The following KIAA1328 variants were observed in gnomAD, a reference collection of about 807,000 sequenced individuals.
The protein encoded by KIAA1328 is protein hinderin.
A neutral mutation model predicts 68.1 loss-of-function variants in KIAA1328; 52 were observed. That is an observed-to-expected ratio of 0.76 (90% CI 0.61 to 0.96). The LOEUF (loss-of-function observed/expected upper bound fraction) is 0.96, where lower values mean the gene tolerates loss of function less well. Among genes scored for constraint, KIAA1328 ranks in the 40% least tolerant of loss-of-function variants. The pLI is 0.00. For synonymous variants in KIAA1328, 232 were observed against 239.4 expected (o/e 0.97, Z 0.28); for missense variants, 641 against 677.6 (o/e 0.95, Z 0.60).
intron 6 of KIAA1328, among the ~76,000 whole-genome samples, chr18:37,010,518 G>T (rs1223667469): frequency 6.8e-6 from 1 of 147,292 alleles, no homozygotes; most frequent in African/African-American, 2.5e-5. Context: ...CTTTAATGAG[G>T]CAATTTTCTG....
At chr18:36,978,611 T>G (rs2052563913) in intron 6 of KIAA1328, among the ~76,000 whole-genome samples, 1 of 152,214 alleles carries the variant, frequency 6.6e-6, no homozygotes, top group Non-Finnish European at 1.5e-5. Flanking sequence ...TACTGTCTTC[T>G]TTTGGTGATC....
At chr18:36,860,169 T>C (rs1445277397) in intron 4 of KIAA1328, among the ~76,000 whole-genome samples, 1 of 152,152 alleles carries the variant, frequency 6.6e-6, no homozygotes, top group Non-Finnish European at 1.5e-5. Context: ...TTTGAAAAAA[T>C]CTTGGAACTT....
At chr18:36,849,144 T>C (rs1307134956) in intron 4 of KIAA1328, among the ~76,000 whole-genome samples, 5 of 151,928 alleles carry the variant, frequency 3.3e-5, no homozygotes, top group Non-Finnish European at 7.4e-5. Context: ...ACTTCTTTCA[T>C]CTTCTGTGAA....
At chr18:37,013,041 C>G (rs891008758) in intron 6 of KIAA1328, among the ~76,000 whole-genome samples, 2 of 152,000 alleles carry the variant, frequency 1.3e-5, no homozygotes, top group Non-Finnish European at 2.9e-5. Context: ...TTAGTAACTC[C>G]CTGGGTGGCA....
chr18:36,951,304 A>G (rs1439302625), intron 5 of KIAA1328, among the ~76,000 whole-genome samples: 2 of 152,128 alleles, frequency 1.3e-5, no homozygotes, highest in African/African-American at 2.4e-5. Flanking sequence ...AGTCTTGTTC[A>G]TTATTGTATG....
intron 6 of KIAA1328, among the ~76,000 whole-genome samples, chr18:37,051,713 TC>T (rs2055700565): frequency 6.6e-6 from 1 of 152,102 alleles, no homozygotes; most frequent in Non-Finnish European, 1.5e-5. Context: ...ACCATTATCT[TC>T]CTGATACCAA....
At chr18:36,879,024 G>A (rs1007315000) in intron 4 of KIAA1328, among the ~76,000 whole-genome samples, 6 of 152,096 alleles carry the variant, frequency 3.9e-5, no homozygotes, top group South Asian at 2.1e-4. Context: ...CTGTCAATTC[G>A]TCAAACTCAT....
intron 9 of KIAA1328, among the ~76,000 whole-genome samples, chr18:37,178,517 T>C (rs1408904558): frequency 6.6e-6 from 1 of 152,220 alleles, no homozygotes; most frequent in Non-Finnish European, 1.5e-5. Flanking sequence ...TTCCATATCT[T>C]GGCTATTATG....
At chr18:36,850,443 A>G (rs1008551840) in intron 4 of KIAA1328, among the ~76,000 whole-genome samples, 1 of 152,072 alleles carries the variant, frequency 6.6e-6, no homozygotes, top group Non-Finnish European at 1.5e-5. Context: ...ATCAGGGAAT[A>G]TGTTCCAAGA....
intron 7 of KIAA1328, among the ~76,000 whole-genome samples, chr18:37,102,573 C>T (rs1273270691): frequency 1.3e-5 from 2 of 152,080 alleles, no homozygotes; most frequent in Admixed American, 6.5e-5. Flanking sequence ...ATAGAAGAAA[C>T]ATACCTCAAC....
chr18:37,197,728 G>A (rs1045871329), intron 9 of KIAA1328, among the ~76,000 whole-genome samples: 1 of 152,036 alleles, frequency 6.6e-6, no homozygotes, highest in Non-Finnish European at 1.5e-5. Flanking sequence ...ATATTTATAG[G>A]TCCCTCATAC....
chr18:36,997,415 G>C (rs1236029653), intron 6 of KIAA1328, among the ~76,000 whole-genome samples: 2 of 152,154 alleles, frequency 1.3e-5, no homozygotes, highest in African/African-American at 2.4e-5. Flanking sequence ...GAAAGGGTGA[G>C]TGAGAGAATT....
intron 6 of KIAA1328, among the ~76,000 whole-genome samples, chr18:37,006,928 C>T (rs1289103768): frequency 6.6e-6 from 1 of 152,140 alleles, no homozygotes; most frequent in Non-Finnish European, 1.5e-5. Flanking sequence ...CACAATAAAA[C>T]TCAAAAGAGC....
Position 37,019,814 on chromosome 18 carries a change from C to T in KIAA1328, c.577-47076C>T, listed in dbSNP as rs552610296. Among the ~76,000 whole-genome samples the T allele has an allele frequency of 1.6e-4, 25 of 152,238 alleles. No homozygotes were observed. In the South Asian group the frequency reaches 2.5e-3, roughly 15 times the overall value. ...CCTGGGCATGGAGTGTAGAGGGTTT[C>T]GCTATACCATGACCTATGTCCAGGA... On this transcript the variant is annotated intron_variant, in intron 6 of 9. Transcript: ENST00000280020.
At chr18:36,838,646 A>G (rs2150781710) in intron 3 of KIAA1328, among the ~76,000 whole-genome samples, 1 of 150,202 alleles carries the variant, frequency 6.7e-6, no homozygotes, top group Admixed American at 6.6e-5. Flanking sequence ...ATTCCTCCTT[A>G]TTTTTCTGTG....
At chr18:36,852,953 A>C (rs983921743) in intron 4 of KIAA1328, among the ~76,000 whole-genome samples, 1 of 152,164 alleles carries the variant, frequency 6.6e-6, no homozygotes, top group African/African-American at 2.4e-5. Context: ...ATCTTCAGCT[A>C]TGTTAATATT....
intron 9 of KIAA1328, among the ~76,000 whole-genome samples, chr18:37,203,767 T>C (rs1433057618): frequency 6.6e-6 from 1 of 151,960 alleles, no homozygotes; most frequent in East Asian, 1.9e-4. Flanking sequence ...TGGTCATACA[T>C]ATGCCCTCAG....
chr18:37,159,596 G>A (rs1007210547), intron 7 of KIAA1328, among the ~76,000 whole-genome samples: 5 of 151,990 alleles, frequency 3.3e-5, no homozygotes, highest in East Asian at 1.9e-4. Context: ...GTGGGAACAC[G>A]GTTTATTAGA....
At chr18:37,024,137 C>T (rs1441857481) in intron 6 of KIAA1328, among the ~76,000 whole-genome samples, 2 of 151,980 alleles carry the variant, frequency 1.3e-5, no homozygotes, top group South Asian at 2.1e-4. Flanking sequence ...CTGGGACAGA[C>T]ACATTCCACC....
Sources: gnomAD v4.1 joint callset for allele counts (sites outside exome capture counted in the v4.1 genomes callset) on GRCh38, gnomAD v4.1.1 for gene constraint, MANE v1.5 for transcripts, NCBI Gene and HGNC (gene_info 2026-07-23, HGNC 2026-07-21) for gene names.